The following CARMIL2 variants were observed in gnomAD, a reference collection of about 807,000 sequenced individuals.
CARMIL2 encodes capping protein regulator and myosin 1 linker 2, also known as capping protein, Arp2/3 and myosin-I linker protein 2.
CARMIL2 carries 96 observed loss-of-function variants against 173.3 expected under a neutral mutation model. The ratio of observed to expected loss-of-function variants is 0.55; its 90% CI spans 0.47 to 0.66. CARMIL2 has a LOEUF of 0.66. Among genes scored for constraint, CARMIL2 ranks in the 30% least tolerant of loss-of-function variants. The pLI, the probability that CARMIL2 is intolerant of heterozygous loss-of-function variation, is 0.00. For missense variants in CARMIL2, 1,771 were observed against 1,906.7 expected (o/e 0.93, Z 1.33); for synonymous variants, 830 against 817.1 (o/e 1.02, Z -0.27).
Position 67,646,031 on chromosome 16 carries a change from T to C in CARMIL2, c.200T>C (p.Phe67Ser). ...GGCCCTTTCTAGGTGGACTGCACGT[T>C]CAGCTACCTGGAGGTCCAGGCCATG... Reference protein sequence around the residue: ...TCLPLRVDCTFSYLEVQAMAL... With the variant: ...TCLPLRVDCTSSYLEVQAMAL... Residue 67 changes from phenylalanine to serine, a missense_variant, in exon 4 of 38, where the codon TTC becomes TCC. Transcript: ENST00000334583. This position sits in a 1 kb window ranked among gnomAD's most constrained non-coding sequence, Gnocchi z 4.6. 1.2e-6 allele frequency: 2 copies of C among 1,613,746 alleles called. No homozygotes were observed. The highest frequency in any genetic ancestry group is 1.7e-6 in the Non-Finnish European group (2 of 1,179,878).
At position 67,654,770 on chromosome 16, in the gene CARMIL2, G is replaced by A. The variant is rs2052808916; in HGVS notation, c.3583-8G>A. The stretch of plus-strand genomic sequence containing the variant: ...GACTGTCTCCAACTCGAGCATCTCT[G>A]TCCCTAGCGGCGGCCCCTGGAGCGG... On this transcript the variant is annotated splice_region_variant and splice_polypyrimidine_tract_variant and intron_variant, in intron 31 of 37. Transcript: ENST00000334583. 1 of 1,613,290 alleles carries A rather than the reference G, an allele frequency of 6.2e-7. No individual in the cohort carries two copies. Among genetic ancestry groups the A allele is most frequent in the Admixed American group, 1.7e-5 (1 of 60,000 alleles).
intron 22 of CARMIL2, 93 bp downstream of exon 22, chr16:67,650,243 GGGCCAGGGTGCC>G: frequency 9.3e-7 from 1 of 1,071,500 alleles, no homozygotes. Context: ...GACTTTCCTG[GGGCCAGGGTGCC>G]TGAGCCCTGC....
In CARMIL2 at chr16:67,646,843, G is replaced by A. The variant is rs1354847645; in HGVS notation, c.538-57G>A. The A allele has an allele frequency of 1.9e-6, 3 of 1,612,180 alleles. No homozygotes were observed. Among genetic ancestry groups the A allele is most frequent in the South Asian group, 1.1e-5 (1 of 91,056 alleles). ...ACATCTGGTCCCCCATGTGTGCTGA[G>A]CCCCTCCCTGCCCCTTGTGGCCCCA... is the stretch of plus-strand genomic sequence containing the variant. On this transcript the variant is annotated intron_variant, in intron 7 of 37. Coordinates refer to ENST00000334583, the MANE Select transcript of CARMIL2 (RefSeq NM_001013838.3). This position sits in a 1 kb window ranked among gnomAD's most constrained non-coding sequence, Gnocchi z 4.6.
chr16:67,655,012 AC>A, intron 32 of CARMIL2, 112 bp downstream of exon 32: 1 of 1,380,040 alleles, frequency 7.2e-7, no homozygotes. Flanking sequence ...TGTCAGTTCT[AC>A]TCCATTCTCC....
Position 67,646,910 on chromosome 16 carries a change from C to T in CARMIL2, c.548C>T (p.Thr183Ile). 6.2e-7 allele frequency: 1 copy of T among 1,613,764 alleles called. No individual in the cohort carries two copies. Among genetic ancestry groups the T allele is most frequent in the Non-Finnish European group, 8.5e-7 (1 of 1,179,900 alleles). The change falls in exon 8 of 38, where the codon ACC (threonine) becomes ATC (isoleucine). Residue 183 changes from threonine (T) to isoleucine (I), a missense_variant. By Grantham distance (89) the Thr-to-Ile change is moderately conservative (BLOSUM62 -1). Transcript: ENST00000334583. This position sits in a 1 kb window ranked among gnomAD's most constrained non-coding sequence, Gnocchi z 4.6. ...CTCCTTCTCACCCAGGACGTGGACA[C>T]CATTTACCATCGCCAGGGCTGCCGC... is the stretch of plus-strand genomic sequence containing the variant. ...FREEIQWDVD[T>I]IYHRQGCRHF...
rs771248191 is a variant in CARMIL2 at position 67,649,218 on chromosome 16, AC to A, written c.1689-32del. The A allele has an allele frequency of 1.2e-6, 2 of 1,611,498 alleles. No individual in the cohort carries two copies. The highest frequency in any genetic ancestry group is 1.7e-6 in the Non-Finnish European group (2 of 1,179,080). ...TGGGCCTCCCAGACAACACCCCACC[AC>A]CCCTGTCCCCCACAACTGCGGCCCC... On this transcript the variant is annotated intron_variant, in intron 18 of 37. Coordinates refer to ENST00000334583, the MANE Select transcript of CARMIL2 (RefSeq NM_001013838.3). The surrounding 1 kb of genome is among the most constrained non-coding windows in gnomAD (Gnocchi z 6.7).
rs965333393 is a variant in CARMIL2 at position 67,653,629 on chromosome 16, C to T, written c.3120+375C>T. Among the ~76,000 whole-genome samples the T allele has an allele frequency of 3.3e-5, 5 of 152,260 alleles. No homozygotes were observed. Among genetic ancestry groups the T allele is most frequent in the African/African-American group, 1.2e-4 (5 of 41,560 alleles). On this transcript the variant is annotated intron_variant, in intron 29 of 37. Coordinates refer to ENST00000334583, the MANE Select transcript of CARMIL2 (RefSeq NM_001013838.3). This position sits in a 1 kb window ranked among gnomAD's most constrained non-coding sequence, Gnocchi z 7.4. ...AAGCCTGCGTCTGCTGCGCGTCCGG[C>T]GGCGGCGCGTGTGGGGAGATGCGTG...
In CARMIL2 at chr16:67,655,973, A is replaced by G. The variant is rs1338257482; in HGVS notation, c.3706-58A>G. ...AGGATTATAAGAACAAGAACGAACAAAAGGCTAGGGTGTGGGGAGCGGGCA... is the reference window on the plus strand; with the variant it reads ...AGGATTATAAGAACAAGAACGAACAGAAGGCTAGGGTGTGGGGAGCGGGCA... On this transcript the variant is annotated intron_variant, in intron 32 of 37. Coordinates refer to ENST00000334583, the MANE Select transcript of CARMIL2 (RefSeq NM_001013838.3). 5 of 1,548,218 alleles carry G rather than the reference A, an allele frequency of 3.2e-6. No individual in the cohort carries two copies. In the Admixed American group the frequency reaches 7.9e-5, roughly 25 times the overall value.
In CARMIL2 at chr16:67,646,307, T is replaced by C. The variant is rs1284703630; in HGVS notation, c.371T>C (p.Leu124Pro). 2 of 1,613,178 alleles carry C rather than the reference T, an allele frequency of 1.2e-6. No homozygotes were observed. Among genetic ancestry groups the C allele is most frequent in the African/African-American group, 2.7e-5 (2 of 75,004 alleles). ...AIKKVFPRSTLGKLFRRPTPA... is the reference protein window; with the variant it reads ...AIKKVFPRSTPGKLFRRPTPA... Reference sequence around the variant, plus strand: ...AAGAAGGTCTTCCCTCGCTCGACCCTTGGGTGAGGCCTGGCAAATTCGAGG... The same window carrying C: ...AAGAAGGTCTTCCCTCGCTCGACCCCTGGGTGAGGCCTGGCAAATTCGAGG... The change falls in exon 5 of 38, where the codon CTT becomes CCT. Residue 124 changes from leucine (L) to proline (P), a missense_variant. By Grantham distance (98) the Leu-to-Pro change is moderately conservative (BLOSUM62 -3). Transcript: ENST00000334583. This position sits in a 1 kb window ranked among gnomAD's most constrained non-coding sequence, Gnocchi z 4.6.
Position 67,651,777 on chromosome 16 carries a change from G to T in CARMIL2, c.2520G>T (p.Leu840=). The change falls in exon 25 of 38, where the codon CTG becomes CTT. Residue 840 remains leucine (L), a synonymous_variant. Transcript: ENST00000334583. This position sits in a 1 kb window ranked among gnomAD's most constrained non-coding sequence, Gnocchi z 4.2. ...SSWREQLEGV[L]AGSRGLPELL... ...GGAGGGAGCAGCTAGAGGGGGTCCT[G>T]GCAGGCTCGAGGGGCCTCCCGGAGC... The T allele has an allele frequency of 6.2e-7, 1 of 1,607,116 alleles. No homozygotes were observed. The highest frequency in any genetic ancestry group is 1.1e-5 in the South Asian group (1 of 90,480).
intron 10 of CARMIL2, 60 bp downstream of exon 10, chr16:67,647,447 G>GTGGCC (rs374391130): frequency 5.0e-4 from 774 of 1,558,574 alleles, no homozygotes; most frequent in African/African-American, 3.1e-3. Context: ...CTGGGGGCTA[G>GTGGCC]TGGCCTGGGA....
chr16:67,649,599 G>A lies in CARMIL2; in HGVS notation c.1899G>A (p.Leu633=). ...GCGCCAAGTTGCTGGCCAAGGCGCT[G>A]CGGGTCAACTCGAGGCTCCGGTGGG... ...DAGAKLLAKA[L]RVNSRLRSVV... Residue 633 remains leucine, a synonymous_variant, in exon 20 of 38, where the codon CTG becomes CTA. Coordinates refer to ENST00000334583, the MANE Select transcript of CARMIL2 (RefSeq NM_001013838.3). This position sits in a 1 kb window ranked among gnomAD's most constrained non-coding sequence, Gnocchi z 6.7. 2.5e-6 allele frequency: 4 copies of A among 1,598,856 alleles called. No individual in the cohort carries two copies. The highest frequency in any genetic ancestry group is 3.4e-6 in the Non-Finnish European group (4 of 1,178,282).
Position 67,651,703 on chromosome 16 carries a change from C to A in CARMIL2, c.2446C>A (p.Leu816Met). The A allele has an allele frequency of 1.2e-6, 2 of 1,606,944 alleles. No individual in the cohort carries two copies. Among genetic ancestry groups the A allele is most frequent in the Non-Finnish European group, 1.7e-6 (2 of 1,177,412 alleles). ...TGTCTAGGACTTCACTCAGGCCACA[C>A]TGGACACAGCAAGGAGCCTCTGCCC... ...QDIQDFTQAT[L>M]DTARSLCPQM... Residue 816 changes from leucine to methionine, a missense_variant, in exon 25 of 38, where the codon CTG becomes ATG. Leu to Met is a conservative substitution (Grantham distance 15, BLOSUM62 2). Transcript: ENST00000334583. The surrounding 1 kb of genome is among the most constrained non-coding windows in gnomAD (Gnocchi z 4.2).
chr16:67,656,534 G>T lies in CARMIL2; in HGVS notation c.3925G>T (p.Asp1309Tyr), dbSNP rs772446123. The change falls in exon 35 of 38, where the codon GAT (aspartate) becomes TAT (tyrosine). Residue 1309 changes from aspartate to tyrosine, a missense_variant. By Grantham distance (160) the Asp-to-Tyr change is radical. Around this residue, in one of 3 missense-constraint regions of CARMIL2, gnomAD observed 817 missense variants for 903.5 expected, o/e 0.90. Transcript: ENST00000334583. Reference protein sequence around the residue: ...ELRSRGWGQQDGPGPPSPGQS... With the variant: ...ELRSRGWGQQYGPGPPSPGQS... ...CAGGAGCCGTGGTTGGGGCCAACAG[G>T]ATGGTCCAGGCCCTCCCTCCCCTGG... 6.2e-7 allele frequency: 1 copy of T among 1,613,550 alleles called. No individual in the cohort carries two copies. Among genetic ancestry groups the T allele is most frequent in the Non-Finnish European group, 8.5e-7 (1 of 1,179,838 alleles).
chr16:67,653,634 G>A lies in CARMIL2; in HGVS notation c.3120+380G>A, dbSNP rs1485567596. Among the ~76,000 whole-genome samples, 4 of 152,288 alleles carry A rather than the reference G, an allele frequency of 2.6e-5. No homozygotes were observed. The East Asian group carries it at 7.7e-4, about 30-fold the overall frequency. On this transcript the variant is annotated intron_variant, in intron 29 of 37. Coordinates refer to ENST00000334583, the MANE Select transcript of CARMIL2 (RefSeq NM_001013838.3). This position sits in a 1 kb window ranked among gnomAD's most constrained non-coding sequence, Gnocchi z 7.4. ...TGCGTCTGCTGCGCGTCCGGCGGCG[G>A]CGCGTGTGGGGAGATGCGTGTGTGG...
rs1459999845 is a variant in CARMIL2 at position 67,648,378 on chromosome 16, C to G, written c.1335-20C>G. On this transcript the variant is annotated intron_variant, in intron 14 of 37. Transcript: ENST00000334583. This position sits in a 1 kb window ranked among gnomAD's most constrained non-coding sequence, Gnocchi z 6.1. ...AGCCGCCTCCTTGCGGCCCCAGGCCCACCTTCCCACTTCCCCCAGGAAGTC... is the reference window on the plus strand; with the variant it reads ...AGCCGCCTCCTTGCGGCCCCAGGCCGACCTTCCCACTTCCCCCAGGAAGTC... 1.6e-5 allele frequency: 25 copies of G among 1,537,652 alleles called. No individual in the cohort carries two copies. The highest frequency in any genetic ancestry group is 2.1e-5 in the Non-Finnish European group (24 of 1,148,456).
Position 67,649,354 on chromosome 16 carries a change from C to T in CARMIL2, c.1746+43C>T. The T allele has an allele frequency of 6.2e-7, 1 of 1,609,422 alleles. No individual in the cohort carries two copies. Among genetic ancestry groups the T allele is most frequent in the Non-Finnish European group, 8.5e-7 (1 of 1,179,072 alleles). On this transcript the variant is annotated intron_variant, in intron 19 of 37. Transcript: ENST00000334583. The surrounding 1 kb of genome is among the most constrained non-coding windows in gnomAD (Gnocchi z 6.7). The stretch of plus-strand genomic sequence containing the variant: ...TGCAGGGCCTCGGGCAATTAGACCA[C>T]TTTGGTCCTCCTTTCTCTTGTTCCC...
At chr16:67,654,995 G>C in intron 32 of CARMIL2, 95 bp downstream of exon 32, 1 of 1,466,338 alleles carries the variant, frequency 6.8e-7, no homozygotes, top group South Asian at 1.2e-5. Flanking sequence ...TGACAGATAG[G>C]TCTAATTGTC....
In CARMIL2 at chr16:67,654,487, G is replaced by A. The variant is rs756446842; in HGVS notation, c.3377G>A (p.Arg1126Gln). 2.5e-5 allele frequency: 40 copies of A among 1,612,624 alleles called. No homozygotes were observed. The highest frequency in any genetic ancestry group is 3.2e-5 in the Non-Finnish European group (38 of 1,179,620). ...DLETSPGAAP[R>Q]TRKTTFGDLL... The stretch of plus-strand genomic sequence containing the variant: ...GAGACCAGCCCTGGGGCAGCTCCCC[G>A]AACCCGAAAAACTACATTTGGCGAC... Residue 1126 changes from arginine (R) to glutamine (Q), a missense_variant, in exon 31 of 38, where the codon CGA becomes CAA. This residue lies in a region of CARMIL2 where 817 missense variants were observed against 903.5 expected (regional missense o/e 0.90). Transcript: ENST00000334583.
Sources: gnomAD v4.1 joint callset for allele counts (sites outside exome capture counted in the v4.1 genomes callset) on GRCh38, gnomAD v4.1.1 for gene constraint, gnomAD v4.1.1 regional missense constraint, Gnocchi (gnomAD v3.1) non-coding constraint, MANE v1.5 for transcripts, NCBI Gene and HGNC (gene_info 2026-07-23, HGNC 2026-07-21) for gene names.